SRD5A3: variants seen among roughly 807,000 people sequenced by gnomAD.
SRD5A3 encodes steroid 5 alpha-reductase 3.
In SRD5A3, 24 loss-of-function variants were observed where a neutral mutation model predicts 34.3. The observed-to-expected ratio is 0.70, with a 90% CI of 0.51 to 0.99. The LOEUF is 0.99. Ranked by LOEUF, SRD5A3 falls within the 50% of genes least tolerant of loss-of-function variation. The pLI is 0.00. For synonymous variants in SRD5A3, 161 were observed against 167.3 expected, an observed-to-expected ratio of 0.96 and a Z score of 0.29; for missense variants, 350 against 388.2, an observed-to-expected ratio of 0.90 and a Z score of 0.83.
chr4:55,356,916 C>A (rs1016614839), intron 1 of SRD5A3, among the ~76,000 whole-genome samples: 1 of 152,168 alleles, frequency 6.6e-6, no homozygotes, highest in Admixed American at 6.5e-5. Flanking sequence ...GTCCTCTCCC[C>A]ACTCCTGCCT....
rs1483178212 is a variant in SRD5A3, at chr4:55,346,458, C to T, written c.122C>T (p.Pro41Leu). 1.9e-6 allele frequency: 3 copies of T among 1,607,524 alleles called. No homozygotes were observed. The highest frequency in any genetic ancestry group is 1.7e-5 in the Admixed American group (1 of 59,560). The change falls in exon 1 of 5, where the codon CCG (proline) becomes CTG (leucine). Residue 41 changes from proline (P) to leucine (L), a missense_variant. Coordinates refer to ENST00000264228, the MANE Select transcript of SRD5A3 (RefSeq NM_024592.5). ...CAGCTCCTGCCGCCCGGCCTGCTCC[C>T]GGGCTGCGCGATCTTCCAGGACCTG... ...LLQLLPPGLLPGCAIFQDLIR... is the reference protein window; with the variant it reads ...LLQLLPPGLLLGCAIFQDLIR...
chr4:55,348,704 G>A (rs7668085), intron 1 of SRD5A3, among the ~76,000 whole-genome samples: 52,316 of 152,058 alleles, frequency 0.34, 9,527 homozygotes, highest in Non-Finnish European at 0.41. Flanking sequence ...ACCTGTGAGG[G>A]AGATGTTATT....
intron 4 of SRD5A3, 110 bp from the exon 5 acceptor site, chr4:55,369,722 C>T: frequency 7.6e-7 from 1 of 1,319,188 alleles, no homozygotes; most frequent in Non-Finnish European, 1.1e-6. Context: ...CAGAGCAAGA[C>T]TTTGCCTCAA....
chr4:55,359,251 G>C lies in SRD5A3; in HGVS notation c.222-95G>C, dbSNP rs1362942487. On this transcript the variant is annotated intron_variant, in intron 1 of 4. Coordinates refer to ENST00000264228, the MANE Select transcript of SRD5A3 (RefSeq NM_024592.5). ...AAAGGTATACTTTGGGAATGGAGGG[G>C]TGGGGAAAGACAGAGAAACTAAAAA... 2.0e-6 allele frequency: 3 copies of C among 1,530,814 alleles called. No homozygotes were observed. In the African/African-American group the frequency reaches 4.1e-5, roughly 21 times the overall value. The allele number at this position is 1,530,814 out of a possible 1,614,324, so 94.8% of individuals were successfully genotyped here.
intron 1 of SRD5A3, among the ~76,000 whole-genome samples, chr4:55,353,780 G>A (rs1454855283): frequency 1.3e-5 from 2 of 152,098 alleles, no homozygotes; most frequent in African/African-American, 2.4e-5. Context: ...GAAGTCAAGC[G>A]CAACACAAAC....
intron 1 of SRD5A3, among the ~76,000 whole-genome samples, chr4:55,357,789 C>T (rs748748792): frequency 6.6e-6 from 1 of 152,218 alleles, no homozygotes; most frequent in Non-Finnish European, 1.5e-5. Flanking sequence ...TCACTATAAC[C>T]TCAAACTCCT....
chr4:55,359,347 T>A lies in SRD5A3; in HGVS notation c.223T>A (p.Tyr75Asn). Residue 75 changes from tyrosine (Y) to asparagine (N), a missense_variant and splice_region_variant, in exon 2 of 5, where the codon TAT becomes AAT. Tyr to Asn is a moderately radical substitution (Grantham distance 143, BLOSUM62 -2). Coordinates refer to ENST00000264228, the MANE Select transcript of SRD5A3 (RefSeq NM_024592.5). ...GCCTCGCTTGTTTTCCTTTTGCAGA[T>A]ATTTTTCCCACTTTTATATCATCTC... ...ACRAFDVPKR[Y>N]FSHFYIISVL... 1 of 1,614,124 alleles carries A rather than the reference T, an allele frequency of 6.2e-7. No homozygotes were observed. Among genetic ancestry groups the A allele is most frequent in the Non-Finnish European group, 8.5e-7 (1 of 1,180,038 alleles).
chr4:55,371,807 A>T lies in SRD5A3; in HGVS notation c.*1716A>T, dbSNP rs1720136496. 6.6e-6 allele frequency: 1 copy of T among 152,202 alleles called. No homozygotes were observed. The highest frequency in any genetic ancestry group is 6.6e-5 in the Admixed American group (1 of 15,264). 9.4% of individuals were successfully genotyped at this position (152,202 alleles called of 1,614,324 possible). On this transcript the variant is annotated 3_prime_UTR_variant, in exon 5 of 5. Coordinates refer to ENST00000264228, the MANE Select transcript of SRD5A3 (RefSeq NM_024592.5). ...GTAGCTGGGATTACAGGCACATGCC[A>T]CCATGCCCAGGTAATTGTTGTATTT...
intron 4 of SRD5A3, among the ~76,000 whole-genome samples, chr4:55,368,708 G>A (rs1393864658): frequency 6.9e-6 from 1 of 145,904 alleles, no homozygotes; most frequent in Non-Finnish European, 1.5e-5. Context: ...TTACAGGCGT[G>A]CACCACTACA....
At position 55,360,328 on chromosome 4, in the gene SRD5A3, GA is replaced by G. The variant is rs552750897; in HGVS notation, c.364+843del. ...TCAAGACCAGCCTGGCCAATGTGGT[GA>G]AACCCCAACTCTACTAAAAATACAA... On this transcript the variant is annotated intron_variant, in intron 2 of 4. Coordinates refer to ENST00000264228, the MANE Select transcript of SRD5A3 (RefSeq NM_024592.5). 8.7e-3 allele frequency among the ~76,000 whole-genome samples: 1,326 copies of G among 151,946 alleles called. 13 individuals carry two copies. The highest frequency in any genetic ancestry group is 0.012 in the Non-Finnish European group (808 of 67,988).
chr4:55,369,732 A>G (rs1578213597), intron 4 of SRD5A3, 100 bp from the exon 5 acceptor site: 2 of 395,980 alleles, frequency 5.1e-6, no homozygotes, highest in South Asian at 1.5e-4. Context: ...CTTTGCCTCA[A>G]AAAAAAAAAA....
intron 1 of SRD5A3, chr4:55,351,932 T>A: frequency 1.4e-6 from 1 of 713,214 alleles, no homozygotes; most frequent in Non-Finnish European, 2.6e-6. Context: ...CCTGGTCAAC[T>A]GTGGCCACAA....
intron 2 of SRD5A3, among the ~76,000 whole-genome samples, chr4:55,363,426 C>T (rs1203047816): frequency 6.6e-6 from 1 of 151,716 alleles, no homozygotes; most frequent in Admixed American, 6.6e-5. Context: ...AGAGCAAGAC[C>T]CTGTCTCAAA....
intron 4 of SRD5A3, chr4:55,369,533 C>G (rs898510185): frequency 2.6e-6 from 1 of 381,214 alleles, no homozygotes; most frequent in Non-Finnish European, 4.8e-6. Flanking sequence ...AGTTTGAGAC[C>G]AACCTGGGCA....
At chr4:55,360,448 A>G (rs928108902) in intron 2 of SRD5A3, among the ~76,000 whole-genome samples, 2 of 151,764 alleles carry the variant, frequency 1.3e-5, no homozygotes, top group South Asian at 2.1e-4. Flanking sequence ...GGAGGTTGCC[A>G]TGAGCTAAGA....
chr4:55,352,084 A>G (rs994461682), intron 1 of SRD5A3: 10 of 776,452 alleles, frequency 1.3e-5, no homozygotes, highest in Non-Finnish European at 2.2e-5. Flanking sequence ...TCTCAATTTC[A>G]GGCATTACAC....
rs540305496 is a variant in SRD5A3 at position 55,351,447 on chromosome 4, T to C, written c.221+4890T>C. On this transcript the variant is annotated intron_variant, in intron 1 of 4. Transcript: ENST00000264228. ...AAGTGAGCAGGGCAAGCACAGTGGC[T>C]CACACCTGCAATCCCAGCACCGTGG... 2.5e-3 allele frequency among the ~76,000 whole-genome samples: 379 copies of C among 152,006 alleles called. 2 individuals carry two copies. Among genetic ancestry groups the C allele is most frequent in the Non-Finnish European group, 3.8e-3 (261 of 67,998 alleles).
chr4:55,346,680 T>G lies in SRD5A3; in HGVS notation c.221+123T>G, dbSNP rs934220916. ...CCCGGCCTGGGAGGCCCTGGCGGGT[T>G]CCCGGGCGCAGCACGGCGCTCCCTC... On this transcript the variant is annotated intron_variant, in intron 1 of 4. Transcript: ENST00000264228. The G allele has an allele frequency of 1.3e-5, 12 of 931,948 alleles. No homozygotes were observed. In the African/African-American group the frequency reaches 2.1e-4, roughly 16 times the overall value. 57.7% of individuals were successfully genotyped at this position (931,948 alleles called of 1,614,324 possible). A position where few individuals can be genotyped will look rare whatever the true frequency, so the allele number is the denominator to read the frequency against.
chr4:55,359,319 A>T, intron 1 of SRD5A3, 27 bp from the exon 2 acceptor site: 1 of 1,613,298 alleles, frequency 6.2e-7, no homozygotes. Context: ...TACCCTAATT[A>T]TTGCCTCGCT....
Sources: allele counts gnomAD v4.1 joint callset (sites outside exome capture counted in the v4.1 genomes callset), GRCh38; gene constraint gnomAD v4.1.1; transcripts MANE v1.5; gene names NCBI Gene and HGNC (gene_info 2026-07-23, HGNC 2026-07-21).